PAH: variants seen among roughly 807,000 people sequenced by gnomAD.
PAH encodes phenylalanine hydroxylase, also known as phenylalanine-4-hydroxylase.
In PAH, 64 loss-of-function variants were observed where a neutral mutation model predicts 62.0. The ratio of observed to expected loss-of-function variants is 1.03; its 90% CI spans 0.84 to 1.27. The LOEUF is 1.27. PAH is among the 50% of genes most tolerant of loss of function. The pLI is 0.00. For missense variants in PAH, 579 were observed against 542.8 expected (o/e 1.07, Z -0.66); for synonymous variants, 195 against 196.2 (o/e 0.99, Z 0.05).
At chr12:102,867,890 CATATATAGATGT>C (rs1414499056) in intron 4 of PAH, among the ~76,000 whole-genome samples, 1 of 138,644 alleles carries the variant, frequency 7.2e-6, no homozygotes, top group Admixed American at 7.3e-5. Context: ...CATGTATATA[CATATATAGATGT>C]ATATATACAT....
chr12:102,901,292 C>T (rs573689925), intron 2 of PAH, among the ~76,000 whole-genome samples: 1 of 152,256 alleles, frequency 6.6e-6, no homozygotes, highest in South Asian at 2.1e-4. Context: ...AATTCTGGTT[C>T]TGCTACTCAC....
chr12:102,913,986 A>T (rs1034825208), intron 1 of PAH: 7 of 629,576 alleles, frequency 1.1e-5, no homozygotes, highest in African/African-American at 1.1e-4. Context: ...CAAGTTAATG[A>T]AATTAATGGA....
intron 5 of PAH, among the ~76,000 whole-genome samples, chr12:102,862,952 A>AT (rs1330502437): frequency 6.6e-6 from 1 of 151,922 alleles, no homozygotes; most frequent in Non-Finnish European, 1.5e-5. Context: ...TGGTGAAAAA[A>AT]AAAAAATCAG....
At chr12:102,911,232 A>G (rs1349344936) in intron 2 of PAH, among the ~76,000 whole-genome samples, 1 of 152,182 alleles carries the variant, frequency 6.6e-6, no homozygotes, top group East Asian at 1.9e-4. Context: ...ATAACAGGAC[A>G]TGAGAGAGAC....
At chr12:102,872,788 C>T (rs1008783397) in intron 4 of PAH, among the ~76,000 whole-genome samples, 9 of 152,136 alleles carry the variant, frequency 5.9e-5, no homozygotes, top group Admixed American at 3.9e-4. Flanking sequence ...GCCAACATGA[C>T]GAAACCCCAT....
intron 2 of PAH, among the ~76,000 whole-genome samples, chr12:102,902,683 C>A (rs1877810026): frequency 6.6e-6 from 1 of 152,186 alleles, no homozygotes; most frequent in South Asian, 2.1e-4. Context: ...ATGAGCAGCA[C>A]AATTAAATTC....
chr12:102,865,176 G>T (rs946287292), intron 5 of PAH, among the ~76,000 whole-genome samples: 8 of 152,150 alleles, frequency 5.3e-5, no homozygotes, highest in Non-Finnish European at 1.2e-4. Context: ...TCTATGAGAA[G>T]GAGGTTGAGG....
intron 4 of PAH, among the ~76,000 whole-genome samples, chr12:102,871,725 C>T (rs1876323671): frequency 6.6e-6 from 1 of 151,866 alleles, no homozygotes; most frequent in African/African-American, 2.4e-5. Context: ...GAGTTCAAGA[C>T]CAGCCTGGCC....
chr12:102,934,409 G>T (rs1367829568), intron 1 of PAH, among the ~76,000 whole-genome samples: 1 of 133,028 alleles, frequency 7.5e-6, no homozygotes, highest in African/African-American at 2.9e-5. Context: ...GATATTCTGG[G>T]TGTTTCATGG....
chr12:102,842,125 C>A (rs2136633963), intron 11 of PAH, among the ~76,000 whole-genome samples: 1 of 152,282 alleles, frequency 6.6e-6, no homozygotes, highest in Middle Eastern at 3.4e-3. Context: ...CCCTGCTGGT[C>A]TGGGACTGAT....
chr12:102,895,747 T>A (rs1356107946), intron 2 of PAH, among the ~76,000 whole-genome samples: 4 of 150,722 alleles, frequency 2.7e-5, no homozygotes, highest in African/African-American at 9.8e-5. Context: ...CCCAGCTACT[T>A]GGGAGGCTGA....
At chr12:102,889,402 CATAGATAGATAGATAG>C (rs10526127) in intron 3 of PAH, among the ~76,000 whole-genome samples, 60 of 148,006 alleles carry the variant, frequency 4.1e-4, no homozygotes, top group East Asian at 8.0e-4. Context: ...TCCCAGACAA[CATAGATAGATAGATAG>C]ATAGATAGAT....
chr12:102,894,964 A>T (rs1449656973), intron 2 of PAH, 46 bp from the exon 3 acceptor site: 2 of 1,422,168 alleles, frequency 1.4e-6, no homozygotes, highest in Non-Finnish European at 2.0e-6. Context: ...ACTGGAACTA[A>T]CGCAGGCCAA....
At chr12:102,889,572 A>ATAGACAGG (rs1877194507) in intron 3 of PAH, among the ~76,000 whole-genome samples, 1 of 152,170 alleles carries the variant, frequency 6.6e-6, no homozygotes, top group African/African-American at 2.4e-5. Context: ...AGATAGATAG[A>ATAGACAGG]CAGGCAGATA....
intron 8 of PAH, chr12:102,847,378 C>CAT (rs572298472): frequency 1.6e-5 from 4 of 247,628 alleles, no homozygotes; most frequent in Non-Finnish European, 3.2e-5. Flanking sequence ...TCGGTCCAGG[C>CAT]ATATATATAG....
At chr12:102,937,829 C>T (rs751449322) in intron 1 of PAH, among the ~76,000 whole-genome samples, 2 of 152,086 alleles carry the variant, frequency 1.3e-5, no homozygotes, top group Non-Finnish European at 2.9e-5. Context: ...TAAAAAACTC[C>T]CTTTAGCATT....
chr12:102,950,679 C>A (rs972645702), exon 1 of PAH: 11 of 152,254 alleles, frequency 7.2e-5, no homozygotes, highest in African/African-American at 2.4e-4. Flanking sequence ...ATTCCTCGCC[C>A]CAGCCGGTAG....
chr12:102,895,278 C>A (rs35019215), intron 2 of PAH, among the ~76,000 whole-genome samples: 26,189 of 152,032 alleles, frequency 0.17, 2,629 homozygotes, highest in Admixed American at 0.33. Flanking sequence ...AAACGAAATT[C>A]TATGGAATTA....
At chr12:102,952,418 G>C (rs750986090), upstream of PAH, among the ~76,000 whole-genome samples, 1 of 152,028 alleles carries the variant, frequency 6.6e-6, no homozygotes, top group Non-Finnish European at 1.5e-5. Flanking sequence ...TGGAGGAGGT[G>C]GGGAGGAGGA....
Sources: allele counts gnomAD v4.1 joint callset (sites outside exome capture counted in the v4.1 genomes callset), GRCh38; gene constraint gnomAD v4.1.1; transcripts MANE v1.5; gene names NCBI Gene and HGNC (gene_info 2026-07-23, HGNC 2026-07-21).